The following GCC2 variants were observed in gnomAD, a reference collection of about 807,000 sequenced individuals.
GCC2 encodes GRIP and coiled-coil domain containing 2.
Under a neutral mutation model 210.6 loss-of-function variants are expected in GCC2, and 120 were observed. The ratio of observed to expected loss-of-function variants is 0.57; its 90% CI spans 0.49 to 0.66. The LOEUF (loss-of-function observed/expected upper bound fraction) is 0.66. Among genes scored for constraint, GCC2 ranks in the 30% least tolerant of loss-of-function variants. GCC2 has a pLI of 0.00. For synonymous variants in GCC2, 703 were observed against 652.7 expected, an observed-to-expected ratio of 1.08 and a Z score of -1.17; for missense variants, 1,868 against 1,871.9, an observed-to-expected ratio of 1.00 and a Z score of 0.04.
At chr2:108,481,593 A>C in intron 9 of GCC2, 104 bp from the exon 10 acceptor site, 1 of 736,274 alleles carries the variant, frequency 1.4e-6, no homozygotes, top group Non-Finnish European at 2.2e-6. Context: ...TAAATATTTT[A>C]AGCATCCAGA....
chr2:108,450,553 A>G (rs1376113943), intron 2 of GCC2, among the ~76,000 whole-genome samples: 2 of 152,240 alleles, frequency 1.3e-5, no homozygotes, highest in African/African-American at 2.4e-5. Flanking sequence ...TAGTAGTTGC[A>G]TAGCAATTAC....
At chr2:108,477,821 G>T (rs898063296) in intron 9 of GCC2, among the ~76,000 whole-genome samples, 2 of 152,166 alleles carry the variant, frequency 1.3e-5, no homozygotes, top group African/African-American at 4.8e-5. Context: ...CAAGGTGGGT[G>T]AGTCACTTGA....
At chr2:108,476,856 G>T (rs1681560203) in intron 9 of GCC2, among the ~76,000 whole-genome samples, 1 of 152,084 alleles carries the variant, frequency 6.6e-6, no homozygotes, top group Non-Finnish European at 1.5e-5. Flanking sequence ...GATACATACT[G>T]TGTAGAAAAG....
chr2:108,452,589 CTA>C (rs1680003702), intron 4 of GCC2, 123 bp downstream of exon 4: 1 of 666,234 alleles, frequency 1.5e-6, no homozygotes. Context: ...TTGTTTTTAC[CTA>C]TCTGATTCAC....
In GCC2 at chr2:108,471,258, A is replaced by C; in HGVS notation, c.1929A>C (p.Gln643His). 2 of 1,609,320 alleles carry C rather than the reference A, an allele frequency of 1.2e-6. No individual in the cohort carries two copies. The highest frequency in any genetic ancestry group is 2.2e-5 in the South Asian group (2 of 89,674). Reference protein sequence around the residue: ...QTIQYNSELEQKVNELTGGLE... With the variant: ...QTIQYNSELEHKVNELTGGLE... Reference sequence around the variant, plus strand: ...TCCAGTACAACAGTGAACTAGAACAAAAGGTAAATGAATTAACAGGAGGAC... The same window carrying C: ...TCCAGTACAACAGTGAACTAGAACACAAGGTAAATGAATTAACAGGAGGAC... Residue 643 changes from glutamine (Q) to histidine (H), a missense_variant, in exon 6 of 23, where the codon CAA becomes CAC. Gln to His is a conservative substitution (Grantham distance 24). Around this residue, in one of 3 missense-constraint regions of GCC2, gnomAD observed 1,847 missense variants for 1,765.2 expected, o/e 1.05. Coordinates refer to ENST00000309863, the MANE Select transcript of GCC2 (RefSeq NM_181453.4).
chr2:108,469,004 C>T lies in GCC2; in HGVS notation c.241C>T (p.Leu81Phe). ...GGCATTAACTGAACGTCTGGATGCT[C>T]TTCTTCTGGAAAAAGCAGAGACTGA... ...IKALTERLDA[L>F]LLEKAETEQQ... Residue 81 changes from leucine (L) to phenylalanine (F), a missense_variant, in exon 5 of 23, where the codon CTT becomes TTT. By Grantham distance (22) the Leu-to-Phe change is conservative. Around this residue, in one of 3 missense-constraint regions of GCC2, gnomAD observed 1,847 missense variants for 1,765.2 expected, o/e 1.05. Transcript: ENST00000309863. 2 of 1,612,382 alleles carry T rather than the reference C, an allele frequency of 1.2e-6. No individual in the cohort carries two copies. The highest frequency in any genetic ancestry group is 2.2e-5 in the East Asian group (1 of 44,804).
chr2:108,462,241 C>G lies in GCC2; in HGVS notation c.217-6739C>G, dbSNP rs553636042. 2.0e-3 allele frequency among the ~76,000 whole-genome samples: 300 copies of G among 147,866 alleles called. 1 individual carries two copies. The highest frequency in any genetic ancestry group is 0.014 in the Middle Eastern group (4 of 286). On this transcript the variant is annotated intron_variant, in intron 4 of 22. Transcript: ENST00000309863. Reference sequence around the variant, plus strand: ...GGCGCAGTGGCTCACGCCTGTAATCCCAGCACTTTGGGAGGCCGAGGCGGG... The same window carrying G: ...GGCGCAGTGGCTCACGCCTGTAATCGCAGCACTTTGGGAGGCCGAGGCGGG...
intron 22 of GCC2, among the ~76,000 whole-genome samples, chr2:108,507,208 CAGTG>C (rs890210703): frequency 2.0e-5 from 3 of 149,480 alleles, no homozygotes; most frequent in African/African-American, 7.3e-5. Context: ...GCCTGGAAAA[CAGTG>C]AGACCCGCAT....
chr2:108,504,859 A>G (rs1455136980), intron 22 of GCC2, among the ~76,000 whole-genome samples: 3 of 152,184 alleles, frequency 2.0e-5, no homozygotes, highest in Non-Finnish European at 4.4e-5. Flanking sequence ...AACTCTCTAC[A>G]AGTAAATAAA....
At chr2:108,486,001 T>C in intron 15 of GCC2, 93 bp downstream of exon 15, 1 of 599,456 alleles carries the variant, frequency 1.7e-6, no homozygotes. Flanking sequence ...TATAACGATA[T>C]CTAGAAAGAT....
chr2:108,482,266 A>G (rs1465360180), intron 10 of GCC2, 21 bp from the exon 11 acceptor site: 1 of 1,475,678 alleles, frequency 6.8e-7, no homozygotes, highest in African/African-American at 1.4e-5. Context: ...GTTTATAGTA[A>G]TGAATCATTT....
rs763285911 is a variant in GCC2 at position 108,482,299 on chromosome 2, A to C, written c.3193A>C (p.Asn1065His). The C allele has an allele frequency of 6.4e-7, 1 of 1,572,738 alleles. No homozygotes were observed. The highest frequency in any genetic ancestry group is 1.4e-5 in the African/African-American group (1 of 73,192). Residue 1065 changes from asparagine (N) to histidine (H), a missense_variant, in exon 11 of 23, where the codon AAT becomes CAT. Physicochemically the swap from Asn to His is moderately conservative, Grantham distance 68. Around this residue, in one of 3 missense-constraint regions of GCC2, gnomAD observed 1,847 missense variants for 1,765.2 expected, o/e 1.05. Coordinates refer to ENST00000309863, the MANE Select transcript of GCC2 (RefSeq NM_181453.4). ...RNSTLQCETI[N>H]SDNEDLLARI... ...TTTGTCATTTCAGTGTGAAACAATA[A>C]ATTCTGATAATGAAGATCTCCTGGC...
At chr2:108,480,870 TAAC>T (rs78564653) in intron 9 of GCC2, among the ~76,000 whole-genome samples, 56,650 of 151,802 alleles carry the variant, frequency 0.37, 12,228 homozygotes, top group East Asian at 0.89. Flanking sequence ...TTTGCCTACA[TAAC>T]AAACCTGCAC....
At chr2:108,472,941 G>A in intron 7 of GCC2, 42 bp downstream of exon 7, 1 of 1,145,348 alleles carries the variant, frequency 8.7e-7, no homozygotes, top group Non-Finnish European at 1.3e-6. Flanking sequence ...TAATTAGACA[G>A]ATTCTTCTTA....
Position 108,475,577 on chromosome 2 carries a change from A to C in GCC2, c.2903A>C (p.Asn968Thr). 6.5e-7 allele frequency: 1 copy of C among 1,532,530 alleles called. No individual in the cohort carries two copies. The highest frequency in any genetic ancestry group is 1.8e-4 in the Middle Eastern group (1 of 5,628). The allele number at this position is 1,532,530 out of a possible 1,614,324, so 94.9% of individuals were successfully genotyped here. A position where few individuals can be genotyped will look rare whatever the true frequency, so the allele number is the denominator to read the frequency against. Residue 968 changes from asparagine (N) to threonine (T), a missense_variant, in exon 8 of 23, where the codon AAT (asparagine) becomes ACT (threonine). Asn to Thr is a moderately conservative substitution (Grantham distance 65). Transcript: ENST00000309863. The stretch of plus-strand genomic sequence containing the variant: ...TGCAAAGAAAAGGAGGAGAAAATAA[A>C]TAAGATAAAATTAGTTGCCGTAAAG... ...KECKEKEEKI[N>T]KIKLVAVKAK...
intron 9 of GCC2, 122 bp downstream of exon 9, chr2:108,475,972 A>G (rs1681494139): frequency 3.5e-6 from 2 of 576,744 alleles, no homozygotes; most frequent in Non-Finnish European, 6.1e-6. Flanking sequence ...TTTTTAGTAA[A>G]TCTTTATTCT....
chr2:108,456,823 C>G (rs1680301640), intron 4 of GCC2, among the ~76,000 whole-genome samples: 1 of 151,950 alleles, frequency 6.6e-6, no homozygotes, highest in Admixed American at 6.6e-5. Flanking sequence ...GTGGAACATG[C>G]CTGTAGTCCC....
chr2:108,454,707 GT>G (rs1680154812), intron 4 of GCC2, among the ~76,000 whole-genome samples: 1 of 152,178 alleles, frequency 6.6e-6, no homozygotes, highest in Non-Finnish European at 1.5e-5. Flanking sequence ...CTATGATTCA[GT>G]TTTGTCATCT....
At chr2:108,450,982 A>G in intron 2 of GCC2, 46 bp from the exon 3 acceptor site, 1 of 1,199,452 alleles carries the variant, frequency 8.3e-7, no homozygotes, top group Non-Finnish European at 1.2e-6. Context: ...GTGGTATACT[A>G]GAAACATGAG....
Sources: gnomAD v4.1 joint callset for allele counts (sites outside exome capture counted in the v4.1 genomes callset) on GRCh38, gnomAD v4.1.1 for gene constraint, gnomAD v4.1.1 regional missense constraint, MANE v1.5 for transcripts, NCBI Gene and HGNC (gene_info 2026-07-23, HGNC 2026-07-21) for gene names.